The following EXOC6B variants were observed in gnomAD, a reference collection of about 807,000 sequenced individuals.
The protein encoded by EXOC6B is SEC15 homolog B.
Under a neutral mutation model 113.5 loss-of-function variants are expected in EXOC6B, and 54 were observed. That is an observed-to-expected ratio of 0.48 (90% confidence interval 0.38 to 0.60). The LOEUF is 0.60. EXOC6B is among the 20% of genes least tolerant of loss of function. The probability of loss-of-function intolerance (pLI) is 0.00; values close to 1 mark genes in which losing one functional copy is unlikely to be tolerated. For missense variants in EXOC6B, 797 were observed against 977.5 expected (o/e 0.82, Z 2.46); for synonymous variants, 357 against 339.0 (o/e 1.05, Z -0.58).
rs1248500916 is a variant in EXOC6B, at chr2:72,176,703, T to A, written c.*2632A>T. ...AGCAGCCTATATTACTACTGAAACC[T>A]AATAGAGTCCCAAACTGAACTGTCC... On this transcript the variant is annotated 3_prime_UTR_variant, in exon 22 of 22. Transcript: ENST00000272427. 2.0e-5 allele frequency: 3 copies of A among 152,204 alleles called. No homozygotes were observed. The East Asian group carries it at 5.8e-4, about 29-fold the overall frequency. The allele number at this position is 152,204 out of a possible 1,614,324, so 9.4% of individuals were successfully genotyped here. A position where few individuals can be genotyped will look rare whatever the true frequency, so the allele number is the denominator to read the frequency against.
At position 72,440,919 on chromosome 2, in the gene EXOC6B, T is replaced by TA. The variant is rs559924354; in HGVS notation, c.1980+24240dup. ...AAACAGACTTTAAAACAACAAAGAT[T>TA]AAAAAAAAAAGACAAAGATGGGCAT... is the stretch of plus-strand genomic sequence containing the variant. On this transcript the variant is annotated intron_variant, in intron 18 of 21. Transcript: ENST00000272427. 5.0e-4 allele frequency among the ~76,000 whole-genome samples: 74 copies of TA among 148,560 alleles called. 3 individuals carry two copies. The East Asian group carries it at 0.011, about 23-fold the overall frequency.
intron 20 of EXOC6B, among the ~76,000 whole-genome samples, chr2:72,225,778 C>T (rs1426501722): frequency 6.6e-6 from 1 of 152,116 alleles, no homozygotes; most frequent in Non-Finnish European, 1.5e-5. Context: ...ATATATTGGG[C>T]ATTATTTCTT....
At chr2:72,656,384 T>C (rs530993749) in intron 6 of EXOC6B, among the ~76,000 whole-genome samples, 3 of 152,010 alleles carry the variant, frequency 2.0e-5, no homozygotes, top group Non-Finnish European at 4.4e-5. Context: ...TAAAGGAGAA[T>C]AACTAATTGT....
chr2:72,324,950 A>T (rs1558558812), intron 20 of EXOC6B, among the ~76,000 whole-genome samples: 1 of 152,200 alleles, frequency 6.6e-6, no homozygotes, highest in Non-Finnish European at 1.5e-5. Flanking sequence ...TACTGGGAAC[A>T]GATCTTAAGT....
chr2:72,713,219 A>G (rs1679382547), intron 6 of EXOC6B, among the ~76,000 whole-genome samples: 1 of 152,170 alleles, frequency 6.6e-6, no homozygotes, highest in African/African-American at 2.4e-5. Context: ...CTCAGGACAC[A>G]TTGGGTAGAA....
intron 6 of EXOC6B, among the ~76,000 whole-genome samples, chr2:72,677,761 T>A (rs563616349): frequency 1.3e-5 from 2 of 152,238 alleles, no homozygotes; most frequent in Non-Finnish European, 2.9e-5. Context: ...AAAAGAGTAC[T>A]CAACAGTGCC....
intron 6 of EXOC6B, among the ~76,000 whole-genome samples, chr2:72,609,272 G>A (rs1214157085): frequency 6.6e-6 from 1 of 151,924 alleles, no homozygotes; most frequent in Non-Finnish European, 1.5e-5. Context: ...AAGTAACCTA[G>A]ATATTCAAAT....
At chr2:72,426,301 C>G (rs1695193422) in intron 18 of EXOC6B, among the ~76,000 whole-genome samples, 1 of 152,186 alleles carries the variant, frequency 6.6e-6, no homozygotes, top group Admixed American at 6.5e-5. Flanking sequence ...TCTTAAATCT[C>G]TTCCTTGATC....
chr2:72,647,212 A>G (rs1026410907), intron 6 of EXOC6B, among the ~76,000 whole-genome samples: 11 of 152,130 alleles, frequency 7.2e-5, no homozygotes, highest in Non-Finnish European at 1.6e-4. Flanking sequence ...TAGGAATCCA[A>G]CTTACAAGGG....
chr2:72,646,013 T>C (rs1673679386), intron 6 of EXOC6B, among the ~76,000 whole-genome samples: 1 of 152,128 alleles, frequency 6.6e-6, no homozygotes, highest in Non-Finnish European at 1.5e-5. Context: ...AGCTGGTTTT[T>C]TGAAAAGATC....
At chr2:72,324,876 G>A (rs1688037648) in intron 20 of EXOC6B, among the ~76,000 whole-genome samples, 1 of 152,002 alleles carries the variant, frequency 6.6e-6, no homozygotes, top group African/African-American at 2.4e-5. Context: ...TCATACCTAA[G>A]GGGATTTGGA....
chr2:72,800,372 CCA>C, intron 1 of EXOC6B, among the ~76,000 whole-genome samples: 1 of 151,956 alleles, frequency 6.6e-6, no homozygotes, highest in Admixed American at 6.6e-5. Context: ...GTGTAAAAAG[CCA>C]GAGTTCAAAA....
chr2:72,764,973 C>A (rs1288860813), intron 1 of EXOC6B, among the ~76,000 whole-genome samples: 1 of 152,112 alleles, frequency 6.6e-6, no homozygotes, highest in Non-Finnish European at 1.5e-5. Flanking sequence ...ATACTCCCAG[C>A]CAGGTGTGGT....
chr2:72,528,971 CA>C (rs1701866786), intron 8 of EXOC6B, among the ~76,000 whole-genome samples: 1 of 152,106 alleles, frequency 6.6e-6, no homozygotes, highest in Non-Finnish European at 1.5e-5. Context: ...TCAATATAGA[CA>C]ATCAGCAGGT....
chr2:72,368,859 A>G (rs1456954814), intron 19 of EXOC6B, among the ~76,000 whole-genome samples: 1 of 152,178 alleles, frequency 6.6e-6, no homozygotes, highest in African/African-American at 2.4e-5. Context: ...TTGATGGGAC[A>G]TATCTCAAAA....
chr2:72,235,847 C>A (rs1160949136), intron 20 of EXOC6B, among the ~76,000 whole-genome samples: 2 of 151,944 alleles, frequency 1.3e-5, no homozygotes, highest in African/African-American at 4.8e-5. Context: ...ATTTGTACTG[C>A]TTTTTTGGTA....
At chr2:72,531,913 A>G (rs1276168638) in intron 8 of EXOC6B, among the ~76,000 whole-genome samples, 2 of 152,156 alleles carry the variant, frequency 1.3e-5, no homozygotes, top group Non-Finnish European at 2.9e-5. Flanking sequence ...TGAACCCAGG[A>G]GGTGGAGGTT....
At chr2:72,810,015 A>G (rs1253591942) in intron 1 of EXOC6B, among the ~76,000 whole-genome samples, 1 of 152,228 alleles carries the variant, frequency 6.6e-6, no homozygotes, top group East Asian at 1.9e-4. Context: ...AAACTTTAAC[A>G]AATTTAAAAG....
intron 20 of EXOC6B, among the ~76,000 whole-genome samples, chr2:72,224,390 G>A (rs1681066477): frequency 6.6e-6 from 1 of 151,914 alleles, no homozygotes; most frequent in East Asian, 1.9e-4. Context: ...TACCTGAAGG[G>A]AATCATCTAC....
Sources: gnomAD v4.1 joint callset for allele counts (sites outside exome capture counted in the v4.1 genomes callset) on GRCh38, gnomAD v4.1.1 for gene constraint, MANE v1.5 for transcripts, NCBI Gene and HGNC (gene_info 2026-07-23, HGNC 2026-07-21) for gene names.